Variants in XYLT2 observed in about 807,000 individuals in gnomAD.
The protein encoded by XYLT2 is xylosyltransferase 2.
In XYLT2, 37 loss-of-function variants were observed where a neutral mutation model predicts 82.6. The ratio of observed to expected loss-of-function variants is 0.45; its 90% confidence interval spans 0.34 to 0.59. The LOEUF is 0.59. Ranked by LOEUF, XYLT2 falls within the 20% of genes least tolerant of loss-of-function variation. The pLI, the probability that XYLT2 is intolerant of heterozygous loss-of-function variation, is 0.01. For missense variants in XYLT2, 934 were observed against 1,181.3 expected (o/e 0.79, Z 3.07); for synonymous variants, 474 against 499.0 (o/e 0.95, Z 0.67).
At chr17:50,350,507 G>C (rs12603511) in intron 1 of XYLT2, among the ~76,000 whole-genome samples, 29,297 of 97,242 alleles carry the variant, frequency 0.3, 6,023 homozygotes, top group East Asian at 0.82. Context: ...GCAGAGGTTG[G>C]AGTGAGCCGA....
At position 50,353,956 on chromosome 17, in the gene XYLT2, G is replaced by A. The variant is rs199836568; in HGVS notation, c.462G>A (p.Thr154=). Residue 154 remains threonine (T), a synonymous_variant, in exon 2 of 11, where the codon ACG becomes ACA. Transcript: ENST00000017003. ...GCGTGGAGGGCGCCCCCCAGCCCACGGACAATGGCTTCACCCCCAAGTGCG... is the reference window on the plus strand; with the variant it reads ...GCGTGGAGGGCGCCCCCCAGCCCACAGACAATGGCTTCACCCCCAAGTGCG... The part of the protein sequence containing the change: ...TGSVEGAPQP[T]DNGFTPKCEI... 1.2e-5 allele frequency: 19 copies of A among 1,606,580 alleles called. No individual in the cohort carries two copies. Among genetic ancestry groups the A allele is most frequent in the African/African-American group, 2.7e-5 (2 of 74,918 alleles).
Position 50,361,178 on chromosome 17 carries a change from G to C in XYLT2, c.*887G>C. 1.0e-6 allele frequency: 1 copy of C among 980,510 alleles called. No individual in the cohort carries two copies. Among genetic ancestry groups the C allele is most frequent in the Non-Finnish European group, 1.2e-6 (1 of 825,042 alleles). The allele number at this position is 980,510 out of a possible 1,614,324, so 60.7% of individuals were successfully genotyped here. The stretch of plus-strand genomic sequence containing the variant: ...TCTGGGCTCTGTGTTTTTCCTCCTG[G>C]GTGTCAGGAAGCCATCACCATTCAT... On this transcript the variant is annotated 3_prime_UTR_variant, in exon 11 of 11. Transcript: ENST00000017003.
Position 50,352,356 on chromosome 17 carries a change from A to G in XYLT2, c.136-1274A>G, listed in dbSNP as rs530394411. On this transcript the variant is annotated intron_variant, in intron 1 of 10. Coordinates refer to ENST00000017003, the MANE Select transcript of XYLT2 (RefSeq NM_022167.4). ...CCTCCGTCCATTCTACATCTCATCC[A>G]TCAGACACCAGCTAGGTGTCCGTGT... Among the ~76,000 whole-genome samples, 25 of 152,274 alleles carry G rather than the reference A, an allele frequency of 1.6e-4. No homozygotes were observed. In the South Asian group the frequency reaches 4.4e-3, roughly 27 times the overall value.
At chr17:50,350,645 G>GA in intron 1 of XYLT2, among the ~76,000 whole-genome samples, 1 of 152,038 alleles carries the variant, frequency 6.6e-6, no homozygotes, top group Non-Finnish European at 1.5e-5. Flanking sequence ...AACAAAACAG[G>GA]AAAAAAGCCC....
In XYLT2 at chr17:50,351,236, T is replaced by C. The variant is rs115126535; in HGVS notation, c.136-2394T>C. On this transcript the variant is annotated intron_variant, in intron 1 of 10. Coordinates refer to ENST00000017003, the MANE Select transcript of XYLT2 (RefSeq NM_022167.4). ...GAAGACCAGGGAATCCAGGCAGGGATAGTGAGGGAGGTGTTGAGAAGGGAT... is the reference window on the plus strand; with the variant it reads ...GAAGACCAGGGAATCCAGGCAGGGACAGTGAGGGAGGTGTTGAGAAGGGAT... 7.9e-3 allele frequency among the ~76,000 whole-genome samples: 1,209 copies of C among 152,104 alleles called. 16 individuals are homozygous for C. Among genetic ancestry groups the C allele is most frequent in the African/African-American group, 0.028 (1,142 of 41,486 alleles).
At position 50,356,715 on chromosome 17, in the gene XYLT2, C is replaced by T. The variant is rs150417924; in HGVS notation, c.1687C>T (p.Arg563Cys). 5 of 1,610,342 alleles carry T rather than the reference C, an allele frequency of 3.1e-6. No individual in the cohort carries two copies. The African/African-American group carries it at 4.0e-5, about 13-fold the overall frequency. ...VMLTAYTAFA[R>C]LSLHHAATAA... ...GCTCACTGCTTACACAGCCTTCGCC[C>T]GCCTCAGCCTGCACCATGCCGCCAC... Residue 563 changes from arginine (R) to cysteine (C), a missense_variant, in exon 8 of 11, where the codon CGC becomes TGC. Transcript: ENST00000017003.
intron 8 of XYLT2, 81 bp downstream of exon 8, chr17:50,356,854 G>A (rs1912564731): frequency 1.3e-6 from 2 of 1,529,978 alleles, no homozygotes; most frequent in Non-Finnish European, 1.8e-6. Context: ...GACGTCCCCT[G>A]CCCACAACAA....
chr17:50,358,922 G>A, intron 10 of XYLT2: 1 of 186,346 alleles, frequency 5.4e-6, no homozygotes, highest in Non-Finnish European at 1.1e-5. Context: ...AAGGGGAGAA[G>A]ACTGGAAGAA....
Position 50,355,848 on chromosome 17 carries a change from G to T in XYLT2, c.1156G>T (p.Glu386Ter), listed in dbSNP as rs142421791. ...CGACTCACACATGTGGCGCCTGGGC[G>T]AGCGGCAGATCCCAGCAGGCATTGT... ...ECDSHMWRLG[E>*]RQIPAGIVVD... The change falls in exon 6 of 11, where the codon GAG (glutamate) becomes TAG (stop). Residue 386 changes from glutamate (E) to a stop codon, truncating the protein, a stop_gained. Coordinates refer to ENST00000017003, the MANE Select transcript of XYLT2 (RefSeq NM_022167.4). LOFTEE classifies it high-confidence loss of function. 6.2e-7 allele frequency: 1 copy of T among 1,614,124 alleles called. No individual in the cohort carries two copies. The highest frequency in any genetic ancestry group is 8.5e-7 in the Non-Finnish European group (1 of 1,180,056).
At position 50,353,771 on chromosome 17, in the gene XYLT2, GC is replaced by G; in HGVS notation, c.279del (p.Lys94ArgfsTer6). 6.4e-7 allele frequency: 1 copy of G among 1,560,022 alleles called. No homozygotes were observed. Among genetic ancestry groups the G allele is most frequent in the Non-Finnish European group, 8.7e-7 (1 of 1,152,334 alleles). ...GRAESPGVPVAKVVRAVTSRQ... is the reference protein window; with the variant it reads ...GRAESPGVPVXKVVRAVTSRQ... ...TGCTGAGAGCCCAGGAGTGCCCGTG[GC>G]CAAGGTGGTACGGGCAGTAACCAGC... On this transcript the variant is annotated frameshift_variant, in exon 2 of 11. Transcript: ENST00000017003. LOFTEE classifies it high-confidence loss of function.
rs780417824 is a variant in XYLT2 at position 50,355,814 on chromosome 17, C to T, written c.1122C>T (p.Phe374=). The T allele has an allele frequency of 3.8e-5, 61 of 1,614,126 alleles. No homozygotes were observed. The highest frequency in any genetic ancestry group is 5.2e-5 in the Non-Finnish European group (61 of 1,180,054). ...FIKKQGLDRL[F]HECDSHMWRL... is the part of the protein sequence containing the mutation. The stretch of plus-strand genomic sequence containing the variant: ...AGAAACAGGGCCTGGACCGGCTCTT[C>T]CATGAGTGCGACTCACACATGTGGC... Residue 374 remains phenylalanine, a synonymous_variant, in exon 6 of 11, where the codon TTC becomes TTT. Transcript: ENST00000017003.
chr17:50,358,618 A>G, intron 10 of XYLT2, 78 bp downstream of exon 10: 1 of 1,424,710 alleles, frequency 7.0e-7, no homozygotes, highest in Non-Finnish European at 9.4e-7. Flanking sequence ...CAAGAAGCCA[A>G]CCATCAGAGC....
rs386386236 is a variant in XYLT2 at position 50,360,571 on chromosome 17, C to CTTTTTTTTTT, written c.*290_*299dup. 106 of 979,482 alleles carry CTTTTTTTTTT rather than the reference C, an allele frequency of 1.1e-4. No homozygotes were observed. Among genetic ancestry groups the CTTTTTTTTTT allele is most frequent in the Admixed American group, 6.1e-4 (9 of 14,774 alleles). The allele number at this position is 979,482 out of a possible 1,614,324, so 60.7% of individuals were successfully genotyped here. On this transcript the variant is annotated 3_prime_UTR_variant, in exon 11 of 11. Transcript: ENST00000017003. ...TGTCTAGTTTGAATTTCTTTTTTTTCTTTTTTTTTTTTTTTTTTTAATTTA... is the reference window on the plus strand; with the variant it reads ...TGTCTAGTTTGAATTTCTTTTTTTTCTTTTTTTTTTTTTTTTTTTTTTTTTTTTTAATTTA...
At position 50,354,550 on chromosome 17, in the gene XYLT2, C is replaced by T. The variant is rs149653689; in HGVS notation, c.771C>T (p.His257=). Residue 257 remains histidine, a synonymous_variant, in exon 3 of 11, where the codon CAC becomes CAT. Transcript: ENST00000017003. ...AGCGTCTCCTCAAGGCCGTTTATCA[C>T]GAGCAGCACTTCTTTTACATCCATG... The part of the protein sequence containing the change: ...QLKRLLKAVY[H]EQHFFYIHVD... 317 of 1,611,912 alleles carry T rather than the reference C, an allele frequency of 2.0e-4. 1 individual carries two copies. The African/African-American group carries it at 3.2e-3, about 16-fold the overall frequency.
At position 50,356,774 on chromosome 17, in the gene XYLT2, G is replaced by C; in HGVS notation, c.1745+1G>C. On this transcript the variant is annotated splice_donor_variant, in intron 8 of 10. Coordinates refer to ENST00000017003, the MANE Select transcript of XYLT2 (RefSeq NM_022167.4). LOFTEE classifies it high-confidence loss of function. ...CCCCAATGGGCACCCCACTCTGCAG[G>C]TGAGACCCCCTTCTGACATACAGCA... 1 of 1,599,552 alleles carries C rather than the reference G, an allele frequency of 6.3e-7. No homozygotes were observed. Among genetic ancestry groups the C allele is most frequent in the Non-Finnish European group, 8.5e-7 (1 of 1,177,786 alleles).
In XYLT2 at chr17:50,346,388, G is replaced by A. The variant is rs1214668419; in HGVS notation, c.135+113G>A. ...TGGGGCACGGGCCGCGTGCGTGCGT[G>A]CGGGGCGCCGGCGGTCGCCCAGAGC... is the stretch of plus-strand genomic sequence containing the variant. On this transcript the variant is annotated intron_variant, in intron 1 of 10. Transcript: ENST00000017003. The surrounding 1 kb of genome is among the most constrained non-coding windows in gnomAD (Gnocchi z 5.1). 1.0e-6 allele frequency: 1 copy of A among 976,472 alleles called. No homozygotes were observed. The highest frequency in any genetic ancestry group is 1.2e-6 in the Non-Finnish European group (1 of 821,310). 60.5% of individuals were successfully genotyped at this position (976,472 alleles called of 1,614,324 possible). A position where few individuals can be genotyped will look rare whatever the true frequency, so the allele number is the denominator to read the frequency against.
chr17:50,354,627 C>A (rs750950338), intron 3 of XYLT2, 44 bp downstream of exon 3: 2 of 1,571,792 alleles, frequency 1.3e-6, no homozygotes, highest in Non-Finnish European at 1.7e-6. Flanking sequence ...ATGAGCAGAG[C>A]AGAAACAGAA....
At chr17:50,355,407 A>C in intron 4 of XYLT2, 94 bp from the exon 5 acceptor site, 2 of 1,367,766 alleles carry the variant, frequency 1.5e-6, no homozygotes, top group South Asian at 2.4e-5. Context: ...GCCAGCCAGC[A>C]ATCAGGCAGA....
rs989100777 is a variant in XYLT2, at chr17:50,360,580, T to C, written c.*289T>C. 1,485 of 1,177,776 alleles carry C rather than the reference T, an allele frequency of 1.3e-3. 1 individual carries two copies. The highest frequency in any genetic ancestry group is 1.5e-3 in the Non-Finnish European group (1,387 of 954,252). The allele number at this position is 1,177,776 out of a possible 1,614,324, so 73.0% of individuals were successfully genotyped here. The stretch of plus-strand genomic sequence containing the variant: ...TGAATTTCTTTTTTTTCTTTTTTTT[T>C]TTTTTTTTTTAATTTAAAAAGGAAA... On this transcript the variant is annotated 3_prime_UTR_variant, in exon 11 of 11. Transcript: ENST00000017003.
Sources: gnomAD v4.1 joint callset for allele counts (sites outside exome capture counted in the v4.1 genomes callset) on GRCh38, gnomAD v4.1.1 for gene constraint, Gnocchi (gnomAD v3.1) non-coding constraint, MANE v1.5 for transcripts, NCBI Gene and HGNC (gene_info 2026-07-23, HGNC 2026-07-21) for gene names.